Variants in AHR observed in about 807,000 individuals in gnomAD.
The protein encoded by AHR is aryl hydrocarbon receptor.
Under a neutral mutation model 86.8 loss-of-function variants are expected in AHR, and 40 were observed. That is an observed-to-expected ratio of 0.46 (90% CI 0.36 to 0.60). The LOEUF is 0.60. Ranked by LOEUF, AHR falls within the 20% of genes least tolerant of loss-of-function variation. AHR has a pLI of 0.00. For missense variants in AHR, 1,001 were observed against 1,011.6 expected, an observed-to-expected ratio of 0.99 and a Z score of 0.14; for synonymous variants, 398 against 354.9, an observed-to-expected ratio of 1.12 and a Z score of -1.37.
At chr7:17,324,835 A>G (rs1033191543) in intron 3 of AHR, among the ~76,000 whole-genome samples, 4 of 152,124 alleles carry the variant, frequency 2.6e-5, no homozygotes, top group African/African-American at 9.7e-5. Flanking sequence ...AGTTTAAGAC[A>G]TCTTTCTAGG....
At chr7:17,323,682 G>T (rs1468890657) in intron 3 of AHR, among the ~76,000 whole-genome samples, 1 of 152,138 alleles carries the variant, frequency 6.6e-6, no homozygotes, top group Non-Finnish European at 1.5e-5. Flanking sequence ...TCAGTGGATG[G>T]TGATGTGCCT....
At chr7:17,321,583 T>C in intron 2 of AHR, among the ~76,000 whole-genome samples, 1 of 94,064 alleles carries the variant, frequency 1.1e-5, no homozygotes, top group Non-Finnish European at 2.5e-5. Context: ...AATACATACA[T>C]ACCACACACA....
intron 6 of AHR, among the ~76,000 whole-genome samples, chr7:17,333,606 C>G (rs979777800): frequency 6.6e-6 from 1 of 151,796 alleles, no homozygotes; most frequent in Non-Finnish European, 1.5e-5. Context: ...GTGCAAGGAG[C>G]TGTGTGAGGT....
At chr7:17,324,049 A>G (rs1169648489) in intron 3 of AHR, among the ~76,000 whole-genome samples, 4 of 152,240 alleles carry the variant, frequency 2.6e-5, no homozygotes, top group African/African-American at 9.6e-5. Context: ...ATTTAGGCAA[A>G]TTGTGTACAT....
At chr7:17,319,593 A>G (rs1484878500) in intron 2 of AHR, among the ~76,000 whole-genome samples, 1 of 152,146 alleles carries the variant, frequency 6.6e-6, no homozygotes, top group Admixed American at 6.6e-5. Context: ...GTGTGTGCCC[A>G]ATATCACATA....
chr7:17,303,121 G>C (rs780106331), intron 1 of AHR, among the ~76,000 whole-genome samples: 70 of 152,158 alleles, frequency 4.6e-4, no homozygotes, highest in Non-Finnish European at 9.1e-4. Context: ...TATTTTGCTA[G>C]TGGCTTAATA....
intron 10 of AHR, among the ~76,000 whole-genome samples, chr7:17,340,801 C>T (rs1025712303): frequency 6.6e-6 from 1 of 152,094 alleles, no homozygotes; most frequent in Non-Finnish European, 1.5e-5. Context: ...ATTACCTCCC[C>T]TATCCTCATC....
At chr7:17,331,564 C>T (rs987225215) in intron 6 of AHR, among the ~76,000 whole-genome samples, 1 of 151,798 alleles carries the variant, frequency 6.6e-6, no homozygotes, top group African/African-American at 2.4e-5. Context: ...GGATGCTTAC[C>T]ATCTTGGGAT....
rs754689048 is a variant in AHR at position 17,342,984 on chromosome 7, A to G, written c.2467A>G (p.Thr823Ala). The change falls in exon 11 of 11, where the codon ACT (threonine) becomes GCT (alanine). Residue 823 changes from threonine (T) to alanine (A), a missense_variant. Physicochemically the swap from Thr to Ala is moderately conservative, Grantham distance 58 (BLOSUM62 0). Coordinates refer to ENST00000242057, the MANE Select transcript of AHR (RefSeq NM_001621.5). ...AELNNINNTQ[T>A]TTHLQPLHHP... ...ATTAAATAACATAAATAACACTCAG[A>G]CTACCACACATCTTCAGCCACTTCA... 6.2e-7 allele frequency: 1 copy of G among 1,613,514 alleles called. No individual in the cohort carries two copies. The highest frequency in any genetic ancestry group is 8.5e-7 in the Non-Finnish European group (1 of 1,179,460).
intron 4 of AHR, among the ~76,000 whole-genome samples, chr7:17,328,412 G>T (rs759459999): frequency 1.3e-4 from 20 of 151,966 alleles, no homozygotes; most frequent in Non-Finnish European, 2.7e-4. Flanking sequence ...TGATGTTATT[G>T]AATGAACAGT....
At chr7:17,325,333 C>G (rs1389994257) in intron 3 of AHR, among the ~76,000 whole-genome samples, 2 of 152,064 alleles carry the variant, frequency 1.3e-5, no homozygotes, top group African/African-American at 4.8e-5. Flanking sequence ...GGCATGTACA[C>G]CAATGAGTTT....
intron 3 of AHR, among the ~76,000 whole-genome samples, chr7:17,326,649 C>T (rs1782233700): frequency 6.6e-6 from 1 of 152,154 alleles, no homozygotes; most frequent in Non-Finnish European, 1.5e-5. Context: ...GTCATTATAT[C>T]TACCTGATGA....
intron 1 of AHR, among the ~76,000 whole-genome samples, chr7:17,301,677 C>T (rs1024888260): frequency 6.6e-6 from 1 of 151,792 alleles, no homozygotes; most frequent in Non-Finnish European, 1.5e-5. Context: ...ATCAACCCCC[C>T]CTAGTGGCGG....
chr7:17,339,277 C>T lies in AHR; in HGVS notation c.1452C>T (p.Asn484=), dbSNP rs924571776. The T allele has an allele frequency of 2.9e-5, 47 of 1,614,042 alleles. 1 individual carries two copies. Among genetic ancestry groups the T allele is most frequent in the Non-Finnish European group, 1.7e-5 (20 of 1,180,032 alleles). The change falls in exon 10 of 11, where the codon AAC becomes AAT. Residue 484 remains asparagine, a synonymous_variant. Coordinates refer to ENST00000242057, the MANE Select transcript of AHR (RefSeq NM_001621.5). ...CAAGTACTGCACCTTTTGAAAACAA[C>T]TTTTTCAACGAATCTATGAATGAAT... ...STSSTAPFEN[N]FFNESMNECR...
intron 1 of AHR, among the ~76,000 whole-genome samples, chr7:17,308,178 G>T (rs896795566): frequency 5.9e-5 from 9 of 152,106 alleles, no homozygotes; most frequent in Non-Finnish European, 1.3e-4. Context: ...TAGGTGTTCA[G>T]CATTTGTTGA....
chr7:17,327,980 A>G (rs1372206386), intron 4 of AHR, 132 bp downstream of exon 4: 1 of 276,434 alleles, frequency 3.6e-6, no homozygotes, highest in Non-Finnish European at 6.3e-6. Context: ...ATTTGTAGCT[A>G]ATAATTTTTT....
intron 3 of AHR, among the ~76,000 whole-genome samples, chr7:17,324,902 T>C (rs1241789480): frequency 6.6e-6 from 1 of 152,174 alleles, no homozygotes; most frequent in Non-Finnish European, 1.5e-5. Context: ...TGTGAATAAC[T>C]GTGTCTTTAT....
chr7:17,335,582 A>G (rs1458153362), intron 8 of AHR, 63 bp from the exon 9 acceptor site: 1 of 1,378,284 alleles, frequency 7.3e-7, no homozygotes. Context: ...GCTTTGTTTT[A>G]GGAATAATCT....
rs1782060884 is a variant in AHR, at chr7:17,311,203, TATC to T, written c.253+1083_253+1085del. Among the ~76,000 whole-genome samples the T allele has an allele frequency of 3.3e-5, 5 of 152,374 alleles. No individual in the cohort carries two copies. The South Asian group carries it at 8.3e-4, about 25-fold the overall frequency. On this transcript the variant is annotated intron_variant, in intron 2 of 10. Transcript: ENST00000242057. ...TTTTAAGGAAATGGTCTTTTTAAAA[TATC>T]ATATAATTTTACTAACCATAGCAAG...
Sources: gnomAD v4.1 joint callset for allele counts (sites outside exome capture counted in the v4.1 genomes callset) on GRCh38, gnomAD v4.1.1 for gene constraint, MANE v1.5 for transcripts, NCBI Gene and HGNC (gene_info 2026-07-23, HGNC 2026-07-21) for gene names.